NEMP2: variants seen among roughly 807,000 people sequenced by gnomAD.
NEMP2 encodes the protein UPF0571 transmembrane protein.
NEMP2 carries 53 observed loss-of-function variants against 54.2 expected under a neutral mutation model. The ratio of observed to expected loss-of-function variants is 0.98; its 90% CI spans 0.78 to 1.23. The LOEUF (loss-of-function observed/expected upper bound fraction) is 1.23, where lower values mean the gene tolerates loss of function less well. Ranked by LOEUF, NEMP2 falls within the 50% of genes most tolerant of loss-of-function variation. The pLI is 0.00. For missense variants in NEMP2, 455 were observed against 511.3 expected (o/e 0.89, Z 1.06); for synonymous variants, 197 against 190.3 (o/e 1.04, Z -0.29).
chr2:190,544,649 G>T, the NEMP2 span, among the ~76,000 whole-genome samples: 1 of 152,102 alleles, frequency 6.6e-6, no homozygotes, highest in South Asian at 2.1e-4. Context: ...GGTGATTACT[G>T]AATCATGGCT....
chr2:190,545,622 C>A, the NEMP2 span, among the ~76,000 whole-genome samples: 19 of 152,350 alleles, frequency 1.2e-4, no homozygotes, highest in Middle Eastern at 3.4e-3. Flanking sequence ...ATATCCCCAG[C>A]AATCACAATC....
the NEMP2 span, among the ~76,000 whole-genome samples, chr2:190,457,424 G>A: frequency 6.6e-6 from 1 of 152,150 alleles, no homozygotes; most frequent in Non-Finnish European, 1.5e-5. The surrounding 1 kb of genome is among the most constrained non-coding windows in gnomAD (Gnocchi z 5.1). Context: ...CTACCCCCAG[G>A]ACTCAGACTT....
the NEMP2 span, among the ~76,000 whole-genome samples, chr2:190,461,345 C>T: frequency 6.6e-6 from 1 of 152,200 alleles, no homozygotes; most frequent in Non-Finnish European, 1.5e-5. This position sits in a 1 kb window ranked among gnomAD's most constrained non-coding sequence, Gnocchi z 5.5. Context: ...TCTCCCACCC[C>T]TTGGGCAGTC....
chr2:190,468,994 A>G, the NEMP2 span, among the ~76,000 whole-genome samples: 1 of 152,094 alleles, frequency 6.6e-6, no homozygotes, highest in African/African-American at 2.4e-5. Context: ...CCAGTTCAGA[A>G]CGAGAGACTG....
At chr2:190,581,379 A>G in the NEMP2 span, among the ~76,000 whole-genome samples, 1 of 152,200 alleles carries the variant, frequency 6.6e-6, no homozygotes, top group African/African-American at 2.4e-5. Context: ...AAAAGTAACT[A>G]AAACACAGAA....
chr2:190,634,030 C>A, the NEMP2 span, among the ~76,000 whole-genome samples: 1 of 152,072 alleles, frequency 6.6e-6, no homozygotes, highest in East Asian at 1.9e-4. This position sits in a 1 kb window ranked among gnomAD's most constrained non-coding sequence, Gnocchi z 6.8. Flanking sequence ...TATGATTGTG[C>A]CACTTCACTC....
chr2:190,565,018 G>A, the NEMP2 span, among the ~76,000 whole-genome samples: 1 of 152,182 alleles, frequency 6.6e-6, no homozygotes, highest in South Asian at 2.1e-4. Context: ...ATCAGTCTTG[G>A]CAGAGAGTGG....
chr2:190,641,850 A>G, the NEMP2 span, among the ~76,000 whole-genome samples: 1 of 152,194 alleles, frequency 6.6e-6, no homozygotes, highest in Non-Finnish European at 1.5e-5. Context: ...ACTGTTGCCA[A>G]AGATAGGGGA....
At chr2:190,532,230 C>T (rs1221727193) in intron 1 of NEMP2, among the ~76,000 whole-genome samples, 1 of 152,118 alleles carries the variant, frequency 6.6e-6, no homozygotes, top group Non-Finnish European at 1.5e-5. Flanking sequence ...ACGTGAGGCA[C>T]CAAAGTGATA....
At chr2:190,552,719 C>CAA in the NEMP2 span, among the ~76,000 whole-genome samples, 246 of 147,450 alleles carry the variant, frequency 1.7e-3, no homozygotes, top group Non-Finnish European at 2.6e-3. Context: ...GAACCTATCT[C>CAA]AAAAAAAAAA....
At chr2:190,634,625 A>G in the NEMP2 span, among the ~76,000 whole-genome samples, 1 of 152,338 alleles carries the variant, frequency 6.6e-6, no homozygotes, top group Middle Eastern at 3.4e-3. The surrounding 1 kb of genome is among the most constrained non-coding windows in gnomAD (Gnocchi z 6.8). Flanking sequence ...TGACGCACTG[A>G]AGATACTTAA....
chr2:190,442,372 G>A, the NEMP2 span, among the ~76,000 whole-genome samples: 1 of 152,136 alleles, frequency 6.6e-6, no homozygotes. Flanking sequence ...ACTGAGGCCA[G>A]ATGGATGCTG....
the NEMP2 span, among the ~76,000 whole-genome samples, chr2:190,556,648 A>G: frequency 1.3e-5 from 2 of 152,230 alleles, no homozygotes; most frequent in African/African-American, 4.8e-5. Flanking sequence ...ATACAAAATG[A>G]ATGTGCAAAA....
the NEMP2 span, among the ~76,000 whole-genome samples, chr2:190,635,467 G>A: frequency 6.6e-6 from 1 of 152,070 alleles, no homozygotes; most frequent in African/African-American, 2.4e-5. This position sits in a 1 kb window ranked among gnomAD's most constrained non-coding sequence, Gnocchi z 4.1. Flanking sequence ...TCCTGCCTTG[G>A]CCTCCCAAAG....
At chr2:190,574,441 C>T in the NEMP2 span, among the ~76,000 whole-genome samples, 2 of 152,134 alleles carry the variant, frequency 1.3e-5, no homozygotes, top group Non-Finnish European at 2.9e-5. Flanking sequence ...CTAATATTTA[C>T]AGATTCTTTC....
chr2:190,515,272 G>A (rs1308180233), intron 6 of NEMP2, among the ~76,000 whole-genome samples: 1 of 152,194 alleles, frequency 6.6e-6, no homozygotes. Context: ...AGAAGAATAT[G>A]TTAAATTCTA....
the NEMP2 span, chr2:190,489,691 T>C: frequency 7.3e-7 from 1 of 1,366,990 alleles, no homozygotes; most frequent in Non-Finnish European, 1.0e-6. The surrounding 1 kb of genome is among the most constrained non-coding windows in gnomAD (Gnocchi z 6.6). Context: ...CTTTGATCTT[T>C]AGAAAACTGA....
At chr2:190,423,351 AT>A in the NEMP2 span, among the ~76,000 whole-genome samples, 3 of 152,198 alleles carry the variant, frequency 2.0e-5, no homozygotes, top group Non-Finnish European at 4.4e-5. The surrounding 1 kb of genome is among the most constrained non-coding windows in gnomAD (Gnocchi z 4.3). Flanking sequence ...TGATGTTGTC[AT>A]TTCAAGAATG....
chr2:190,462,083 A>C, the NEMP2 span, among the ~76,000 whole-genome samples: 2 of 152,158 alleles, frequency 1.3e-5, no homozygotes, highest in African/African-American at 2.4e-5. The surrounding 1 kb of genome is among the most constrained non-coding windows in gnomAD (Gnocchi z 5.7). Flanking sequence ...ATCATCGCAG[A>C]TTTCCAGGAT....
Sources: allele counts gnomAD v4.1 joint callset (sites outside exome capture counted in the v4.1 genomes callset), GRCh38; gene constraint gnomAD v4.1.1; non-coding constraint Gnocchi (gnomAD v3.1); transcripts MANE v1.5; gene names NCBI Gene and HGNC (gene_info 2026-07-23, HGNC 2026-07-21).